The following MEGF6 variants were observed in gnomAD, a reference collection of about 807,000 sequenced individuals.
MEGF6 encodes multiple EGF like domains 6.
In MEGF6, 184 loss-of-function variants were observed where a neutral mutation model predicts 207.1. The ratio of observed to expected loss-of-function variants is 0.89; its 90% CI spans 0.79 to 1.00. The LOEUF is 1.00. MEGF6 is among the 50% of genes least tolerant of loss of function. MEGF6 has a pLI of 0.00. For synonymous variants in MEGF6, 1,038 were observed against 910.0 expected, an observed-to-expected ratio of 1.14 and a Z score of -2.53; for missense variants, 2,282 against 2,202.9, an observed-to-expected ratio of 1.04 and a Z score of -0.72.
At chr1:3,510,340 G>A (rs538662420) in intron 10 of MEGF6, among the ~76,000 whole-genome samples, 6 of 152,232 alleles carry the variant, frequency 3.9e-5, no homozygotes, top group African/African-American at 1.4e-4. Context: ...CAGGCAGCAG[G>A]CACTCAACCA....
intron 7 of MEGF6, 67 bp from the exon 8 acceptor site, chr1:3,512,195 A>G: frequency 6.5e-7 from 1 of 1,532,462 alleles, no homozygotes; most frequent in Non-Finnish European, 8.8e-7. Context: ...GGACCAGTGG[A>G]AGACAGTGCA....
At chr1:3,619,126 A>C in the MEGF6 span, among the ~76,000 whole-genome samples, 13 of 152,360 alleles carry the variant, frequency 8.5e-5, no homozygotes, top group Non-Finnish European at 1.8e-4. Flanking sequence ...GTAGGGCCTG[A>C]ATACACACAC....
intron 4 of MEGF6, among the ~76,000 whole-genome samples, chr1:3,575,193 G>A (rs1365165601): frequency 6.6e-6 from 1 of 152,204 alleles, no homozygotes; most frequent in Non-Finnish European, 1.5e-5. Context: ...GGAAGGGGTG[G>A]GGGCATCCAT....
chr1:3,544,371 C>A (rs1211654675), intron 4 of MEGF6, among the ~76,000 whole-genome samples: 1 of 152,106 alleles, frequency 6.6e-6, no homozygotes, highest in African/African-American at 2.4e-5. Flanking sequence ...CTGCCCCCAG[C>A]ACCGTCTGCA....
chr1:3,501,360 C>T (rs764405054), intron 18 of MEGF6, 52 bp from the exon 19 acceptor site: 26 of 1,549,672 alleles, frequency 1.7e-5, no homozygotes, highest in Non-Finnish European at 2.2e-5. Context: ...TTGCTCAACA[C>T]ATCAACATAA....
intron 35 of MEGF6, among the ~76,000 whole-genome samples, chr1:3,491,239 G>A (rs906948301): frequency 5.3e-5 from 8 of 152,046 alleles, no homozygotes; most frequent in African/African-American, 1.9e-4. Flanking sequence ...CACTCCAGGG[G>A]AGGGCGCAGG....
chr1:3,490,485 T>C lies in MEGF6; in HGVS notation c.*43A>G. ...GTGGTCACCAAAGGCCAGGGTCCCC[T>C]CTGGCTGGGACTGGAGAGGCGGGCT... On this transcript the variant is annotated 3_prime_UTR_variant, in exon 37 of 37. Transcript: ENST00000356575. 6.2e-7 allele frequency: 1 copy of C among 1,605,978 alleles called. No homozygotes were observed. Among genetic ancestry groups the C allele is most frequent in the Non-Finnish European group, 8.5e-7 (1 of 1,174,488 alleles).
At chr1:3,511,779 C>G in intron 8 of MEGF6, 92 bp from the exon 9 acceptor site, 2 of 1,537,530 alleles carry the variant, frequency 1.3e-6, no homozygotes, top group Non-Finnish European at 1.8e-6. Context: ...AGCAGCCAGC[C>G]TCGGGCCTGG....
In MEGF6 at chr1:3,594,464, G is replaced by A. The variant is rs1321776097; in HGVS notation, c.376+874C>T. 6.6e-6 allele frequency among the ~76,000 whole-genome samples: 1 copy of A among 152,156 alleles called. No homozygotes were observed. The highest frequency in any genetic ancestry group is 1.5e-5 in the Non-Finnish European group (1 of 68,022). ...ACATAAAAAGTAACAAAATAAAAAT[G>A]TGGGGAGTGCGTGACTCCCGGCCAC... On this transcript the variant is annotated intron_variant, in intron 3 of 36. Transcript: ENST00000356575. This position sits in a 1 kb window ranked among gnomAD's most constrained non-coding sequence, Gnocchi z 4.2.
chr1:3,498,310 G>A, intron 26 of MEGF6, 61 bp downstream of exon 26: 1 of 1,551,404 alleles, frequency 6.4e-7, no homozygotes, highest in Middle Eastern at 2.2e-4. Context: ...CCTGCAGTAA[G>A]GCTGATGCCA....
chr1:3,520,260 G>T (rs368595783), intron 5 of MEGF6, among the ~76,000 whole-genome samples: 3 of 152,260 alleles, frequency 2.0e-5, no homozygotes, highest in African/African-American at 7.2e-5. Context: ...CCGGGGTCAT[G>T]CGCGGGCATC....
In MEGF6 at chr1:3,488,369, C is replaced by T. The variant is rs1475825628; in HGVS notation, c.*2159G>A. On this transcript the variant is annotated 3_prime_UTR_variant, in exon 37 of 37. Coordinates refer to ENST00000356575, the MANE Select transcript of MEGF6 (RefSeq NM_001409.4). ...TGAGTGATTGGTACCTGCCAGGCCC[C>T]CCGTCCACACCCTCACACCATGCTG... is the stretch of plus-strand genomic sequence containing the variant. Among the ~76,000 whole-genome samples, 2 of 152,338 alleles carry T rather than the reference C, an allele frequency of 1.3e-5. No homozygotes were observed. Among genetic ancestry groups the T allele is most frequent in the South Asian group, 4.1e-4 (2 of 4,826 alleles).
In MEGF6 at chr1:3,497,638, G is replaced by A. The variant is rs114672858; in HGVS notation, c.3353-277C>T. 2.6e-3 allele frequency: 1,654 copies of A among 632,622 alleles called. 23 individuals carry two copies. In the African/African-American group the frequency reaches 0.027, roughly 10 times the overall value. 39.2% of individuals were successfully genotyped at this position (632,622 alleles called of 1,614,324 possible). A position where few individuals can be genotyped will look rare whatever the true frequency, so the allele number is the denominator to read the frequency against. Reference sequence around the variant, plus strand: ...TGGCACAGGCTGCAGGGACGAGACAGATAGGGCTGAGAGCTCAGCCTCTGG... The same window carrying A: ...TGGCACAGGCTGCAGGGACGAGACAAATAGGGCTGAGAGCTCAGCCTCTGG... On this transcript the variant is annotated intron_variant, in intron 26 of 36. Coordinates refer to ENST00000356575, the MANE Select transcript of MEGF6 (RefSeq NM_001409.4).
intron 4 of MEGF6, among the ~76,000 whole-genome samples, chr1:3,570,657 C>T (rs533201437): frequency 7.9e-5 from 12 of 152,200 alleles, no homozygotes; most frequent in African/African-American, 2.9e-4. Context: ...ACCTTGCCTC[C>T]AAGAAAGACC....
intron 11 of MEGF6, 134 bp downstream of exon 11, chr1:3,509,736 G>T: frequency 4.0e-6 from 5 of 1,256,444 alleles, no homozygotes; most frequent in Admixed American, 2.9e-5. Flanking sequence ...GAGGTGTGTT[G>T]GCCCAGAGAG....
At chr1:3,536,167 C>T (rs1642321770) in intron 4 of MEGF6, among the ~76,000 whole-genome samples, 1 of 152,206 alleles carries the variant, frequency 6.6e-6, no homozygotes, top group African/African-American at 2.4e-5. Context: ...CCTTCAAAGA[C>T]ACCAACTCAG....
chr1:3,537,379 G>C (rs1349643834), intron 4 of MEGF6, among the ~76,000 whole-genome samples: 1 of 152,250 alleles, frequency 6.6e-6, no homozygotes, highest in Non-Finnish European at 1.5e-5. Context: ...GCTACCGGGA[G>C]CCACGGCCCA....
intron 4 of MEGF6, among the ~76,000 whole-genome samples, chr1:3,535,172 G>C (rs1642287647): frequency 6.6e-6 from 1 of 152,166 alleles, no homozygotes; most frequent in African/African-American, 2.4e-5. Context: ...ACCAGGGCCA[G>C]GTGTGTCACC....
intron 8 of MEGF6, 36 bp downstream of exon 8, chr1:3,511,970 C>T (rs756153432): frequency 5.6e-6 from 9 of 1,610,878 alleles, no homozygotes; most frequent in African/African-American, 5.3e-5. Flanking sequence ...ATGGCCATCC[C>T]GGGCACCTTC....
Sources: allele counts gnomAD v4.1 joint callset (sites outside exome capture counted in the v4.1 genomes callset), GRCh38; gene constraint gnomAD v4.1.1; non-coding constraint Gnocchi (gnomAD v3.1); transcripts MANE v1.5; gene names NCBI Gene and HGNC (gene_info 2026-07-23, HGNC 2026-07-21).